Variants in SLC25A21 observed in about 807,000 individuals in gnomAD.
The protein encoded by SLC25A21 is solute carrier family 25 member 21.
SLC25A21 carries 47 observed loss-of-function variants against 43.8 expected under a neutral mutation model. The observed-to-expected ratio is 1.07, with a 90% confidence interval of 0.85 to 1.37. The LOEUF is 1.37. Ranked by LOEUF, SLC25A21 falls within the 40% of genes most tolerant of loss-of-function variation. The probability of loss-of-function intolerance (pLI) is 0.00; values close to 1 mark genes in which losing one functional copy is unlikely to be tolerated. For missense variants in SLC25A21, 352 were observed against 350.2 expected (o/e 1.00, Z -0.04); for synonymous variants, 131 against 121.3 (o/e 1.08, Z -0.52).
chr14:36,843,094 C>T (rs189089026), intron 2 of SLC25A21, among the ~76,000 whole-genome samples: 1 of 152,256 alleles, frequency 6.6e-6, no homozygotes, highest in East Asian at 1.9e-4. Flanking sequence ...AGATACAGCT[C>T]AGGTGGTAAT....
At chr14:36,966,890 GA>G (rs1201812215) in intron 1 of SLC25A21, among the ~76,000 whole-genome samples, 1 of 152,080 alleles carries the variant, frequency 6.6e-6, no homozygotes, top group Admixed American at 6.5e-5. Context: ...TACAGGGAAT[GA>G]AAAATCTCTG....
chr14:36,871,130 C>G (rs567362069), intron 2 of SLC25A21, among the ~76,000 whole-genome samples: 6 of 151,820 alleles, frequency 4.0e-5, no homozygotes, highest in Admixed American at 6.6e-5. Context: ...CCCTGCCCCC[C>G]CAAATCCATA....
At chr14:37,037,138 C>T (rs184770904) in intron 1 of SLC25A21, among the ~76,000 whole-genome samples, 211 of 152,234 alleles carry the variant, frequency 1.4e-3, no homozygotes, top group African/African-American at 5.1e-3. Context: ...GATTGTGAGT[C>T]AGGAAGAGAA....
At chr14:36,803,450 T>G (rs551087165) in intron 3 of SLC25A21, among the ~76,000 whole-genome samples, 1 of 152,332 alleles carries the variant, frequency 6.6e-6, no homozygotes, top group South Asian at 2.1e-4. Flanking sequence ...ACTGAAAATG[T>G]ATAGAATACA....
At chr14:36,965,845 T>C (rs571231659) in intron 1 of SLC25A21, among the ~76,000 whole-genome samples, 7 of 152,286 alleles carry the variant, frequency 4.6e-5, no homozygotes, top group East Asian at 1.9e-4. Context: ...AAGAGCTTCA[T>C]GGTTAATTGT....
intron 1 of SLC25A21, among the ~76,000 whole-genome samples, chr14:36,902,595 T>C (rs1891426054): frequency 6.6e-6 from 1 of 152,228 alleles, no homozygotes; most frequent in African/African-American, 2.4e-5. Context: ...TATGATAAAT[T>C]TGTTTTTAAG....
chr14:36,722,753 C>T (rs1489676511), intron 6 of SLC25A21, among the ~76,000 whole-genome samples: 1 of 152,076 alleles, frequency 6.6e-6, no homozygotes, highest in African/African-American at 2.4e-5. Flanking sequence ...ATTTTTAGTG[C>T]ACTTATACAC....
intron 3 of SLC25A21, among the ~76,000 whole-genome samples, chr14:36,738,083 G>A (rs1391666907): frequency 1.3e-5 from 2 of 152,180 alleles, no homozygotes; most frequent in Non-Finnish European, 2.9e-5. Flanking sequence ...AGTGGCTGCT[G>A]TAGAACCTCT....
chr14:36,997,246 A>C (rs1960390813), intron 1 of SLC25A21, among the ~76,000 whole-genome samples: 4 of 152,134 alleles, frequency 2.6e-5, no homozygotes, highest in African/African-American at 9.7e-5. Context: ...ATATTAATTA[A>C]ACTCCTGCTA....
intron 2 of SLC25A21, among the ~76,000 whole-genome samples, chr14:36,821,559 G>A (rs936281209): frequency 1.3e-5 from 2 of 152,162 alleles, no homozygotes; most frequent in African/African-American, 4.8e-5. Context: ...GCTCGCACCT[G>A]TAATCCCACC....
chr14:36,912,660 A>G (rs911428568), intron 1 of SLC25A21, among the ~76,000 whole-genome samples: 1 of 152,214 alleles, frequency 6.6e-6, no homozygotes, highest in African/African-American at 2.4e-5. Flanking sequence ...TTAATGTTCA[A>G]TGTATAAAGT....
intron 7 of SLC25A21, among the ~76,000 whole-genome samples, chr14:36,685,539 A>G (rs1018698709): frequency 6.6e-6 from 1 of 152,230 alleles, no homozygotes; most frequent in Admixed American, 6.5e-5. Flanking sequence ...TATAAACAGT[A>G]GTAAGTCACT....
intron 3 of SLC25A21, among the ~76,000 whole-genome samples, chr14:36,755,249 C>T (rs1314403416): frequency 1.3e-5 from 2 of 152,126 alleles, no homozygotes; most frequent in Non-Finnish European, 2.9e-5. Flanking sequence ...ATGGAGGTTC[C>T]CTATTCACTG....
intron 3 of SLC25A21, among the ~76,000 whole-genome samples, chr14:36,754,519 C>G (rs1424721142): frequency 6.6e-6 from 1 of 152,108 alleles, no homozygotes; most frequent in South Asian, 2.1e-4. Context: ...TCTTTATTTA[C>G]AGATGTGGAA....
At chr14:37,065,965 A>T (rs1962052638) in intron 1 of SLC25A21, among the ~76,000 whole-genome samples, 2 of 152,214 alleles carry the variant, frequency 1.3e-5, no homozygotes, top group African/African-American at 2.4e-5. Flanking sequence ...TCAGGCAAGG[A>T]TCATCAGTGA....
At chr14:37,072,855 C>T (rs1158486027) in intron 1 of SLC25A21, among the ~76,000 whole-genome samples, 1 of 152,202 alleles carries the variant, frequency 6.6e-6, no homozygotes, top group Non-Finnish European at 1.5e-5. Context: ...ATGAAGTAGT[C>T]CTTTCAGCCA....
intron 1 of SLC25A21, among the ~76,000 whole-genome samples, chr14:37,092,268 C>T (rs1315016228): frequency 6.6e-6 from 1 of 152,184 alleles, no homozygotes; most frequent in Non-Finnish European, 1.5e-5. Flanking sequence ...TTTTCTTTAG[C>T]ATCCTAGAAA....
At chr14:36,793,129 C>T (rs994752642) in intron 3 of SLC25A21, among the ~76,000 whole-genome samples, 3 of 152,014 alleles carry the variant, frequency 2.0e-5, no homozygotes, top group Admixed American at 6.6e-5. Flanking sequence ...ATGTTTAGTA[C>T]GAACAAAGCT....
chr14:37,068,195 A>C (rs983040952), intron 1 of SLC25A21, among the ~76,000 whole-genome samples: 1 of 152,262 alleles, frequency 6.6e-6, no homozygotes. Context: ...AAGGATTTTA[A>C]GCAGGAGAAA....
Sources: allele counts gnomAD v4.1 joint callset (sites outside exome capture counted in the v4.1 genomes callset), GRCh38; gene constraint gnomAD v4.1.1; transcripts MANE v1.5; gene names NCBI Gene and HGNC (gene_info 2026-07-23, HGNC 2026-07-21).